SEMA6D: variants seen among roughly 807,000 people sequenced by gnomAD.
The protein encoded by SEMA6D is semaphorin-6D.
A neutral mutation model predicts 106.6 loss-of-function variants in SEMA6D; 35 were observed. The ratio of observed to expected loss-of-function variants is 0.33; its 90% CI spans 0.25 to 0.44. SEMA6D has a LOEUF of 0.44. SEMA6D is among the 20% of genes least tolerant of loss of function. The probability of loss-of-function intolerance (pLI) is 1.00; values close to 1 mark genes in which losing one functional copy is unlikely to be tolerated. For synonymous variants in SEMA6D, 499 were observed against 487.7 expected, an observed-to-expected ratio of 1.02 and a Z score of -0.31; for missense variants, 1,185 against 1,345.9, an observed-to-expected ratio of 0.88 and a Z score of 1.87.
At chr15:47,368,091 A>G (rs1335370490) in intron 1 of SEMA6D, among the ~76,000 whole-genome samples, 1 of 152,162 alleles carries the variant, frequency 6.6e-6, no homozygotes, top group African/African-American at 2.4e-5. Context: ...TGCACTCAGC[A>G]TTTCATCTTT....
intron 4 of SEMA6D, among the ~76,000 whole-genome samples, chr15:47,625,894 C>T (rs945900978): frequency 5.3e-5 from 8 of 151,964 alleles, no homozygotes; most frequent in East Asian, 3.9e-4. Flanking sequence ...TATTCCAATA[C>T]GATCACTTTC....
intron 3 of SEMA6D, among the ~76,000 whole-genome samples, chr15:47,521,842 G>A (rs1002377590): frequency 2.6e-5 from 4 of 152,046 alleles, no homozygotes; most frequent in Non-Finnish European, 5.9e-5. Flanking sequence ...AAACTTAGCC[G>A]GGCATGGTGG....
rs554200005 is a variant in SEMA6D, at chr15:47,740,390, C to T, written c.-54-19355C>T. On this transcript the variant is annotated intron_variant, in intron 1 of 18. Coordinates refer to ENST00000536845, the MANE Select transcript of SEMA6D (RefSeq NM_001358351.3). ...AAAAATTTAACTGGGCATGGTGGCG[C>T]GCGCCTGTAGTCCCAGCTACTCGGG... 2.9e-3 allele frequency among the ~76,000 whole-genome samples: 434 copies of T among 152,004 alleles called. 2 individuals are homozygous for T. The highest frequency in any genetic ancestry group is 4.8e-3 in the Non-Finnish European group (325 of 67,962).
intron 4 of SEMA6D, among the ~76,000 whole-genome samples, chr15:47,697,326 T>C (rs1596667344): frequency 6.6e-6 from 1 of 152,170 alleles, no homozygotes; most frequent in South Asian, 2.1e-4. Flanking sequence ...TTCTGGCGTT[T>C]AATAATTATC....
At chr15:47,715,628 C>T (rs941445595), upstream of SEMA6D, among the ~76,000 whole-genome samples, 2 of 152,138 alleles carry the variant, frequency 1.3e-5, no homozygotes, top group Admixed American at 6.5e-5. Context: ...TGGCTTGAAA[C>T]GACCTACCAG....
intron 1 of SEMA6D, among the ~76,000 whole-genome samples, chr15:47,236,875 A>G (rs1302455727): frequency 6.6e-6 from 1 of 152,182 alleles, no homozygotes; most frequent in Non-Finnish European, 1.5e-5. Flanking sequence ...CACTAATTCT[A>G]TGTATAGCCT....
At chr15:47,456,998 A>G (rs2042364802) in intron 2 of SEMA6D, among the ~76,000 whole-genome samples, 1 of 151,988 alleles carries the variant, frequency 6.6e-6, no homozygotes, top group Non-Finnish European at 1.5e-5. Context: ...ACCAATAAAG[A>G]AGTGGGTGAA....
At chr15:47,221,290 TC>T (rs1267182609) in intron 1 of SEMA6D, among the ~76,000 whole-genome samples, 1 of 152,214 alleles carries the variant, frequency 6.6e-6, no homozygotes, top group Non-Finnish European at 1.5e-5. Flanking sequence ...GAGCAGGCCC[TC>T]CCCATGGCTC....
At chr15:47,642,320 A>G (rs569585911) in intron 4 of SEMA6D, among the ~76,000 whole-genome samples, 52 of 152,336 alleles carry the variant, frequency 3.4e-4, no homozygotes, top group African/African-American at 9.6e-4. Context: ...TTTACAGATG[A>G]GTAAACTGGG....
rs144204784 is a variant in SEMA6D at position 47,369,160 on chromosome 15, G to A, written c.-238-43233G>A. Among the ~76,000 whole-genome samples the A allele has an allele frequency of 1.6e-3, 245 of 152,288 alleles. 5 individuals are homozygous for A. In the East Asian group the frequency reaches 0.036, roughly 22 times the overall value. ...ATGAAAGGGCATTTAAGTGGCTTCTGGAGTGCTGGTCGTAATCTAGAACTG... is the reference window on the plus strand; with the variant it reads ...ATGAAAGGGCATTTAAGTGGCTTCTAGAGTGCTGGTCGTAATCTAGAACTG... On this transcript the variant is annotated intron_variant, in intron 1 of 19. Coordinates refer to the SEMA6D transcript ENST00000558014.
chr15:47,494,461 A>G (rs2043573283), intron 3 of SEMA6D, among the ~76,000 whole-genome samples: 1 of 151,838 alleles, frequency 6.6e-6, no homozygotes, highest in Non-Finnish European at 1.5e-5. Flanking sequence ...TTAAAATCTC[A>G]AGTAGAGAAC....
chr15:47,603,127 A>T (rs1374675959), intron 4 of SEMA6D, among the ~76,000 whole-genome samples: 1 of 152,106 alleles, frequency 6.6e-6, no homozygotes, highest in East Asian at 1.9e-4. Context: ...ATGGTTTTTC[A>T]TATATAAAGA....
intron 4 of SEMA6D, among the ~76,000 whole-genome samples, chr15:47,679,225 G>A (rs1489616078): frequency 6.6e-6 from 1 of 152,172 alleles, no homozygotes; most frequent in African/African-American, 2.4e-5. Context: ...TTGAGAATCA[G>A]AAGACCCAGA....
At chr15:47,267,729 A>G (rs747449556) in intron 1 of SEMA6D, among the ~76,000 whole-genome samples, 9 of 151,698 alleles carry the variant, frequency 5.9e-5, no homozygotes, top group Non-Finnish European at 1.2e-4. Flanking sequence ...CTGTTGTTTT[A>G]TCATCTTCTT....
chr15:47,480,771 C>T (rs2043133564), intron 3 of SEMA6D, among the ~76,000 whole-genome samples: 1 of 152,164 alleles, frequency 6.6e-6, no homozygotes, highest in South Asian at 2.1e-4. Context: ...AAGACAGAGT[C>T]ATCTTAATTC....
At chr15:47,225,275 A>G (rs192127704) in intron 1 of SEMA6D, among the ~76,000 whole-genome samples, 20 of 152,170 alleles carry the variant, frequency 1.3e-4, no homozygotes, top group East Asian at 7.7e-4. Flanking sequence ...GTTTGCACCA[A>G]TGAATGAGAA....
At chr15:47,585,078 A>G (rs2076314469) in intron 3 of SEMA6D, among the ~76,000 whole-genome samples, 2 of 152,328 alleles carry the variant, frequency 1.3e-5, no homozygotes, top group South Asian at 4.1e-4. Context: ...AATTGCTTTA[A>G]TGCTTTGTTT....
chr15:47,758,225 T>C (rs1469194287), intron 1 of SEMA6D, among the ~76,000 whole-genome samples: 1 of 152,206 alleles, frequency 6.6e-6, no homozygotes, highest in Non-Finnish European at 1.5e-5. Context: ...TGTACTTTAG[T>C]TAGACACATA....
At chr15:47,358,316 T>G (rs2145017958) in intron 1 of SEMA6D, among the ~76,000 whole-genome samples, 1 of 151,632 alleles carries the variant, frequency 6.6e-6, no homozygotes, top group Admixed American at 6.6e-5. Context: ...TAACTACCAT[T>G]TATTTATTGG....
Sources: gnomAD v4.1 joint callset for allele counts (sites outside exome capture counted in the v4.1 genomes callset) on GRCh38, gnomAD v4.1.1 for gene constraint, MANE v1.5 for transcripts, NCBI Gene and HGNC (gene_info 2026-07-23, HGNC 2026-07-21) for gene names.